Variants in GPCPD1 observed in about 807,000 individuals in gnomAD.
GPCPD1 encodes glycerophosphocholine phosphodiesterase 1, also known as glycerophosphocholine phosphodiesterase GPCPD1.
In GPCPD1, 29 loss-of-function variants were observed where a neutral mutation model predicts 89.2. That is an observed-to-expected ratio of 0.33 (90% CI 0.24 to 0.44). The LOEUF is 0.44. Among genes scored for constraint, GPCPD1 ranks in the 20% least tolerant of loss-of-function variants. The pLI is 1.00. For synonymous variants in GPCPD1, 258 were observed against 266.3 expected (o/e 0.97, Z 0.30); for missense variants, 594 against 808.9 (o/e 0.73, Z 3.22).
chr20:5,559,763 G>A (rs1985985960), intron 17 of GPCPD1, among the ~76,000 whole-genome samples, 177 bp downstream of exon 17: 1 of 152,142 alleles, frequency 6.6e-6, no homozygotes, highest in Non-Finnish European at 1.5e-5. Context: ...GGACTTCACA[G>A]GAGTAGCAGG....
chr20:5,564,424 G>A (rs1986259899), intron 15 of GPCPD1, among the ~76,000 whole-genome samples: 1 of 151,552 alleles, frequency 6.6e-6, no homozygotes, highest in African/African-American at 2.4e-5. Flanking sequence ...AGAAATATAT[G>A]GATTTGCTAC....
At chr20:5,583,189 A>G (rs111897810) in intron 6 of GPCPD1, among the ~76,000 whole-genome samples, 141 of 139,026 alleles carry the variant, frequency 1.0e-3, no homozygotes, top group African/African-American at 3.0e-3. Context: ...GTGCCATCGC[A>G]CTCCAGCCTG....
At chr20:5,569,628 T>A (rs540912147) in intron 12 of GPCPD1, among the ~76,000 whole-genome samples, 2 of 152,270 alleles carry the variant, frequency 1.3e-5, no homozygotes, top group African/African-American at 4.8e-5. Context: ...TCCTATTTCA[T>A]CAGCTACCAA....
intron 11 of GPCPD1, among the ~76,000 whole-genome samples, chr20:5,570,851 T>C (rs8118148): frequency 0.053 from 8,051 of 152,098 alleles, 230 homozygotes; most frequent in African/African-American, 0.069. Context: ...ACATGAATTA[T>C]AGTTAAAGCC....
At chr20:5,564,168 CT>C (rs1371467331) in intron 15 of GPCPD1, among the ~76,000 whole-genome samples, 4 of 152,026 alleles carry the variant, frequency 2.6e-5, no homozygotes, top group Admixed American at 2.0e-4. Context: ...TAAATTGTAT[CT>C]AGTTTTTAAG....
At chr20:5,568,814 G>A (rs190128619) in intron 12 of GPCPD1, among the ~76,000 whole-genome samples, 3 of 152,260 alleles carry the variant, frequency 2.0e-5, no homozygotes, top group Admixed American at 2.0e-4. Context: ...TTAGGAGGCT[G>A]AGGCAGGAGA....
At chr20:5,598,231 A>G (rs1254642762) in intron 3 of GPCPD1, among the ~76,000 whole-genome samples, 1 of 151,984 alleles carries the variant, frequency 6.6e-6, no homozygotes, top group Non-Finnish European at 1.5e-5. Flanking sequence ...CCACACCAAA[A>G]ACAAAAAACA....
At chr20:5,577,024 G>C (rs1978291188) in intron 8 of GPCPD1, among the ~76,000 whole-genome samples, 1 of 149,406 alleles carries the variant, frequency 6.7e-6, no homozygotes, top group Non-Finnish European at 1.5e-5. Flanking sequence ...GGGCAACAAA[G>C]ACCCCATCTC....
At position 5,584,282 on chromosome 20, in the gene GPCPD1, G is replaced by T; in HGVS notation, c.348C>A (p.His116Gln). 1.5e-6 allele frequency: 2 copies of T among 1,366,972 alleles called. No individual in the cohort carries two copies. Among genetic ancestry groups the T allele is most frequent in the Non-Finnish European group, 2.1e-6 (2 of 961,008 alleles). 84.7% of individuals were successfully genotyped at this position (1,366,972 alleles called of 1,614,324 possible). ...TTTAAGTAAGTCAGTCTCACTTACTGTGGATTCCAAATTGTCCATCGTCAA... is the reference window on the plus strand; with the variant it reads ...TTTAAGTAAGTCAGTCTCACTTACTTTGGATTCCAAATTGTCCATCGTCAA... The part of the protein sequence containing the change: ...IIIDDGQFGI[H>Q]NGVETLDSGW... The change falls in exon 6 of 20, where the codon CAC (histidine) becomes CAA (glutamine). Residue 116 changes from histidine to glutamine, a missense_variant and splice_region_variant. By Grantham distance (24) the His-to-Gln change is conservative (BLOSUM62 0). Coordinates refer to ENST00000379019, the MANE Select transcript of GPCPD1 (RefSeq NM_019593.5).
chr20:5,576,038 T>TAA (rs1434448221), intron 8 of GPCPD1, 60 bp from the exon 9 acceptor site: 3 of 712,906 alleles, frequency 4.2e-6, no homozygotes, highest in Non-Finnish European at 7.2e-6. Flanking sequence ...CATACATACA[T>TAA]ATACACACAC....
intron 1 of GPCPD1, among the ~76,000 whole-genome samples, chr20:5,609,082 A>G (rs1980782497): frequency 6.6e-6 from 1 of 152,246 alleles, no homozygotes; most frequent in South Asian, 2.1e-4. Context: ...ACCAAGGTAA[A>G]GGGACATTCA....
intron 15 of GPCPD1, among the ~76,000 whole-genome samples, chr20:5,563,249 G>A (rs1986194284): frequency 6.6e-6 from 1 of 152,172 alleles, no homozygotes; most frequent in South Asian, 2.1e-4. Flanking sequence ...AAAGTGCTGG[G>A]ATTACAGGCG....
At chr20:5,606,690 C>T (rs12481416) in intron 1 of GPCPD1, among the ~76,000 whole-genome samples, 14,404 of 152,166 alleles carry the variant, frequency 0.095, 722 homozygotes, top group Middle Eastern at 0.13. Flanking sequence ...ATACAATACG[C>T]AGAACAGCCC....
At position 5,605,489 on chromosome 20, in the gene GPCPD1, AAAG is replaced by A. The variant is rs552107086; in HGVS notation, c.-28-1052_-28-1050del. The stretch of plus-strand genomic sequence containing the variant: ...GTAACTTATCATTAAAAGAAAAAGA[AAAG>A]AAGGAGTCCAGGCAAGTGGCTCACA... On this transcript the variant is annotated intron_variant, in intron 1 of 19. Coordinates refer to ENST00000379019, the MANE Select transcript of GPCPD1 (RefSeq NM_019593.5). 2.2e-4 allele frequency among the ~76,000 whole-genome samples: 33 copies of A among 151,734 alleles called. 1 individual carries two copies. The highest frequency in any genetic ancestry group is 5.6e-4 in the African/African-American group (23 of 41,244).
chr20:5,575,373 G>T (rs745732605), intron 10 of GPCPD1, 40 bp downstream of exon 10: 2 of 1,482,314 alleles, frequency 1.3e-6, no homozygotes, highest in Non-Finnish European at 1.9e-6. Context: ...CCGAACATAA[G>T]CTACACCAAA....
At chr20:5,596,408 G>A (rs1979734207) in intron 3 of GPCPD1, among the ~76,000 whole-genome samples, 1 of 151,910 alleles carries the variant, frequency 6.6e-6, no homozygotes, top group South Asian at 2.1e-4. Context: ...TTTAAAAAAA[G>A]AATCAGAACT....
chr20:5,567,179 T>C (rs541890945), intron 13 of GPCPD1, among the ~76,000 whole-genome samples: 1 of 152,344 alleles, frequency 6.6e-6, no homozygotes, highest in Admixed American at 6.5e-5. Context: ...GAAGGGCTAC[T>C]GCAGAACAGA....
chr20:5,591,022 A>T (rs1979294921), intron 4 of GPCPD1, among the ~76,000 whole-genome samples: 1 of 152,188 alleles, frequency 6.6e-6, no homozygotes, highest in Non-Finnish European at 1.5e-5. Context: ...GATACAGAAA[A>T]AAAAAAGTTG....
chr20:5,609,128 A>G (rs754934292), intron 1 of GPCPD1, among the ~76,000 whole-genome samples: 3 of 152,338 alleles, frequency 2.0e-5, no homozygotes, highest in South Asian at 2.1e-4. Flanking sequence ...ATTTTTAGCT[A>G]AAGTGTTTTT....
Sources: allele counts gnomAD v4.1 joint callset (sites outside exome capture counted in the v4.1 genomes callset), GRCh38; gene constraint gnomAD v4.1.1; transcripts MANE v1.5; gene names NCBI Gene and HGNC (gene_info 2026-07-23, HGNC 2026-07-21).